DOCK2: variants seen among roughly 807,000 people sequenced by gnomAD.
DOCK2 encodes the protein dedicator of cytokinesis 2, also known as dedicator of cytokinesis protein 2.
A neutral mutation model predicts 248.9 loss-of-function variants in DOCK2; 87 were observed. The ratio of observed to expected loss-of-function variants is 0.35; its 90% confidence interval spans 0.29 to 0.42. The LOEUF is 0.42. Ranked by LOEUF, DOCK2 falls within the 10% of genes least tolerant of loss-of-function variation. The pLI, the probability that DOCK2 is intolerant of heterozygous loss-of-function variation, is 1.00. For synonymous variants in DOCK2, 805 were observed against 821.6 expected, an observed-to-expected ratio of 0.98 and a Z score of 0.35; for missense variants, 1,747 against 2,300.2, an observed-to-expected ratio of 0.76 and a Z score of 4.92.
chr5:169,991,642 G>T (rs557534603), intron 29 of DOCK2, among the ~76,000 whole-genome samples: 1 of 152,372 alleles, frequency 6.6e-6, no homozygotes, highest in South Asian at 2.1e-4. Context: ...GACCCAGTCA[G>T]CTGTAGGCAG....
intron 27 of DOCK2, among the ~76,000 whole-genome samples, chr5:169,849,830 C>T (rs1770526703): frequency 6.6e-6 from 1 of 152,192 alleles, no homozygotes. Context: ...GACCTTTCAA[C>T]TCTAAATGCT....
At chr5:169,791,516 C>A (rs945743135) in intron 25 of DOCK2, among the ~76,000 whole-genome samples, 1 of 152,190 alleles carries the variant, frequency 6.6e-6, no homozygotes, top group African/African-American at 2.4e-5. Context: ...ACCAAGCTAT[C>A]CAGGTCTTGG....
intron 8 of DOCK2, among the ~76,000 whole-genome samples, chr5:169,688,127 T>C (rs1429274252): frequency 6.6e-6 from 1 of 152,154 alleles, no homozygotes; most frequent in African/African-American, 2.4e-5. Context: ...GGTTTCACCA[T>C]GTTGCCCAAG....
intron 1 of DOCK2, among the ~76,000 whole-genome samples, chr5:169,644,159 C>T (rs1335177048): frequency 6.6e-6 from 1 of 151,986 alleles, no homozygotes; most frequent in Non-Finnish European, 1.5e-5. Flanking sequence ...ATTGTGAGGT[C>T]CTTGGCTTTT....
chr5:170,077,108 A>G (rs914187023), intron 47 of DOCK2, among the ~76,000 whole-genome samples: 1 of 152,228 alleles, frequency 6.6e-6, no homozygotes, highest in Non-Finnish European at 1.5e-5. Flanking sequence ...CCAGCCAGGT[A>G]AAGAGACACA....
intron 27 of DOCK2, chr5:169,864,190 G>T: frequency 8.0e-7 from 1 of 1,242,980 alleles, no homozygotes; most frequent in Non-Finnish European, 1.1e-6. Context: ...TTGCAAAGAA[G>T]CAGGGCAGGC....
chr5:170,017,208 G>A (rs1755565689), intron 32 of DOCK2, among the ~76,000 whole-genome samples: 1 of 152,148 alleles, frequency 6.6e-6, no homozygotes, highest in African/African-American at 2.4e-5. Context: ...GCAAGCAGCT[G>A]TGCCAGGCCA....
rs374495224 is a variant in DOCK2, at chr5:169,729,756, CA to C, written c.2267+10966del. Among the ~76,000 whole-genome samples, 449 of 152,098 alleles carry C rather than the reference CA, an allele frequency of 3.0e-3. 3 individuals carry two copies. The highest frequency in any genetic ancestry group is 0.011 in the African/African-American group (437 of 41,478). ...GGAATAAGCAAGTGTGTGGCTGAGA[CA>C]GGGGTAGTGAGGGTGGGGGGTAGCA... is the stretch of plus-strand genomic sequence containing the variant. On this transcript the variant is annotated intron_variant, in intron 22 of 51. Coordinates refer to ENST00000520908, the MANE Select transcript of DOCK2 (RefSeq NM_004946.3).
chr5:170,061,259 C>A (rs927505124), intron 44 of DOCK2, among the ~76,000 whole-genome samples: 2 of 152,216 alleles, frequency 1.3e-5, no homozygotes, highest in Admixed American at 1.3e-4. Flanking sequence ...GATTTGAGGG[C>A]TAGATTAAGT....
At chr5:169,772,013 T>C (rs767061106) in intron 25 of DOCK2, among the ~76,000 whole-genome samples, 2 of 152,226 alleles carry the variant, frequency 1.3e-5, no homozygotes, top group African/African-American at 2.4e-5. Flanking sequence ...TTCTCCTTTC[T>C]CCATGCCAGT....
intron 15 of DOCK2, 42 bp downstream of exon 15, chr5:169,708,309 C>G (rs937855025): frequency 1.3e-6 from 2 of 1,568,308 alleles, no homozygotes; most frequent in Admixed American, 1.7e-5. Context: ...CTAGTTCTTA[C>G]CATGAACCAG....
intron 22 of DOCK2, among the ~76,000 whole-genome samples, chr5:169,726,247 C>T (rs1762467770): frequency 6.6e-6 from 1 of 152,196 alleles, no homozygotes; most frequent in South Asian, 2.1e-4. Context: ...TTGCATTTCC[C>T]TAATGACCAG....
intron 24 of DOCK2, 57 bp from the exon 25 acceptor site, chr5:169,761,462 G>A (rs952565306): frequency 1.4e-6 from 2 of 1,441,848 alleles, no homozygotes; most frequent in Non-Finnish European, 1.9e-6. Flanking sequence ...TAAGTGCTAT[G>A]AGCTGGGAGA....
At chr5:170,054,698 G>A (rs764199087) in intron 41 of DOCK2, among the ~76,000 whole-genome samples, 2 of 152,182 alleles carry the variant, frequency 1.3e-5, no homozygotes, top group African/African-American at 2.4e-5. Context: ...TTACAGATCC[G>A]GACTCAGTTG....
In DOCK2 at chr5:169,650,085, G is replaced by A. The variant is rs543854807; in HGVS notation, c.44-4318G>A. Among the ~76,000 whole-genome samples the A allele has an allele frequency of 2.8e-4, 43 of 152,194 alleles. 1 individual carries two copies. In the South Asian group the frequency reaches 4.8e-3, roughly 17 times the overall value. The stretch of plus-strand genomic sequence containing the variant: ...AGTGTTGGGATTACAGGCGTGAGCC[G>A]CCGCACCTGGCAGTGCTGGGGATTT... On this transcript the variant is annotated intron_variant, in intron 1 of 51. Coordinates refer to ENST00000520908, the MANE Select transcript of DOCK2 (RefSeq NM_004946.3).
intron 33 of DOCK2, among the ~76,000 whole-genome samples, chr5:170,025,791 C>CCTTA (rs1755886412): frequency 3.8e-5 from 1 of 26,412 alleles, no homozygotes; most frequent in Non-Finnish European, 9.9e-5. Flanking sequence ...TCCTTCCCTC[C>CCTTA]CTTCCTTCCT....
intron 5 of DOCK2, 151 bp from the exon 6 acceptor site, chr5:169,674,145 AC>A (rs1759198021): frequency 3.9e-6 from 3 of 774,598 alleles, no homozygotes; most frequent in Non-Finnish European, 5.8e-6. Flanking sequence ...AACGACTAGG[AC>A]CCCCACCTAA....
intron 27 of DOCK2, among the ~76,000 whole-genome samples, chr5:169,956,851 G>A (rs1776885493): frequency 6.6e-6 from 1 of 152,046 alleles, no homozygotes; most frequent in African/African-American, 2.4e-5. Flanking sequence ...ATGGGTCCAG[G>A]AATGCATCAA....
intron 21 of DOCK2, 151 bp downstream of exon 21, chr5:169,717,635 T>G (rs1418642680): frequency 1.4e-6 from 1 of 713,080 alleles, no homozygotes; most frequent in Non-Finnish European, 2.4e-6. Context: ...CTTGGGTTAT[T>G]TGGATATCAT....
Sources: gnomAD v4.1 joint callset for allele counts (sites outside exome capture counted in the v4.1 genomes callset) on GRCh38, gnomAD v4.1.1 for gene constraint, MANE v1.5 for transcripts, NCBI Gene and HGNC (gene_info 2026-07-23, HGNC 2026-07-21) for gene names.